Variants in PNOC observed in about 807,000 individuals in gnomAD.
PNOC encodes prepronociceptin.
In PNOC, 10 loss-of-function variants were observed where a neutral mutation model predicts 15.6. The observed-to-expected ratio is 0.64, with a 90% CI of 0.40 to 1.09. The LOEUF is 1.09. Ranked by LOEUF, PNOC falls within the 50% of genes least tolerant of loss-of-function variation. The pLI is 0.01. For synonymous variants in PNOC, 98 were observed against 88.5 expected (o/e 1.11, Z -0.60); for missense variants, 220 against 223.9 (o/e 0.98, Z 0.11).
intron 1 of PNOC, among the ~76,000 whole-genome samples, chr8:28,318,924 C>G (rs1477943920): frequency 6.6e-6 from 1 of 152,214 alleles, no homozygotes; most frequent in Admixed American, 6.5e-5. Context: ...TAGGCTCAAA[C>G]CTGTGCTCCC....
intron 1 of PNOC, among the ~76,000 whole-genome samples, chr8:28,317,677 G>A (rs969174382): frequency 6.6e-6 from 1 of 152,162 alleles, no homozygotes; most frequent in Non-Finnish European, 1.5e-5. Flanking sequence ...AGGCACTTGG[G>A]AGGGGGTTTG....
Position 28,339,312 on chromosome 8 carries a change from C to T in PNOC, c.399C>T (p.Phe133=), listed in dbSNP as rs1208446606. 3 of 1,612,014 alleles carry T rather than the reference C, an allele frequency of 1.9e-6. No homozygotes were observed. The highest frequency in any genetic ancestry group is 2.5e-6 in the Non-Finnish European group (3 of 1,178,512). Reference sequence around the variant, plus strand: ...AGCTGCAGAAGAGATTTGGGGGCTTCACCGGGGCCCGGAAGTCGGCCAGGA... The same window carrying T: ...AGCTGCAGAAGAGATTTGGGGGCTTTACCGGGGCCCGGAAGTCGGCCAGGA... ...QKQLQKRFGG[F]TGARKSARKL... is the part of the protein sequence containing the mutation. Residue 133 remains phenylalanine (F), a synonymous_variant, in exon 3 of 4, where the codon TTC becomes TTT. Coordinates refer to ENST00000301908, the MANE Select transcript of PNOC (RefSeq NM_006228.5).
intron 3 of PNOC, among the ~76,000 whole-genome samples, chr8:28,341,182 C>T (rs1801512878): frequency 6.6e-6 from 1 of 152,204 alleles, no homozygotes; most frequent in Non-Finnish European, 1.5e-5. Flanking sequence ...TTGGTGCCCA[C>T]ACTTTAGCAT....
At chr8:28,326,254 A>G (rs1801223689) in intron 1 of PNOC, among the ~76,000 whole-genome samples, 1 of 152,006 alleles carries the variant, frequency 6.6e-6, no homozygotes, top group Non-Finnish European at 1.5e-5. Context: ...TGGGAGGCTG[A>G]GGTGGGAGGA....
chr8:28,321,897 A>C lies in PNOC; in HGVS notation c.-24+4581A>C, dbSNP rs372537842. On this transcript the variant is annotated intron_variant, in intron 1 of 3. Transcript: ENST00000301908. ...GAGACACTTGAAGTGTAATTGTATC[A>C]GCCAGAAGAGGAAAAGAAACTAAAG... Among the ~76,000 whole-genome samples, 38 of 152,358 alleles carry C rather than the reference A, an allele frequency of 2.5e-4. No individual in the cohort carries two copies. In the South Asian group the frequency reaches 4.6e-3, roughly 18 times the overall value.
rs1801478111 is a variant in PNOC at position 28,339,485 on chromosome 8, C to T, written c.*41C>T. The T allele has an allele frequency of 6.7e-7, 1 of 1,499,554 alleles. No homozygotes were observed. The highest frequency in any genetic ancestry group is 8.9e-7 in the Non-Finnish European group (1 of 1,125,880). 92.9% of individuals were successfully genotyped at this position (1,499,554 alleles called of 1,614,324 possible). A position where few individuals can be genotyped will look rare whatever the true frequency, so the allele number is the denominator to read the frequency against. ...CTCCCAGCTGTACCGGCCACTGCAACCCATGAGTGAGTTGGGCACCAATAA... is the reference window on the plus strand; with the variant it reads ...CTCCCAGCTGTACCGGCCACTGCAATCCATGAGTGAGTTGGGCACCAATAA... On this transcript the variant is annotated 3_prime_UTR_variant, in exon 3 of 4. Coordinates refer to ENST00000301908, the MANE Select transcript of PNOC (RefSeq NM_006228.5).
chr8:28,338,484 T>G (rs1024244941), intron 2 of PNOC: 2 of 570,832 alleles, frequency 3.5e-6, no homozygotes, highest in African/African-American at 4.1e-5. Flanking sequence ...CCATTTGCTA[T>G]AAATGATACA....
At chr8:28,333,993 G>A (rs1801370983) in intron 2 of PNOC, among the ~76,000 whole-genome samples, 1 of 151,840 alleles carries the variant, frequency 6.6e-6, no homozygotes, top group African/African-American at 2.4e-5. Flanking sequence ...TTGTTGTGGG[G>A]GTTGTCCTGG....
intron 3 of PNOC, among the ~76,000 whole-genome samples, chr8:28,340,644 TAAAC>T (rs1347396702): frequency 6.6e-6 from 1 of 152,240 alleles, no homozygotes; most frequent in African/African-American, 2.4e-5. Context: ...GGGTACTTCA[TAAAC>T]AAAGTTTATT....
At chr8:28,338,563 C>T in intron 2 of PNOC, 1 of 984,688 alleles carries the variant, frequency 1.0e-6, no homozygotes, top group Non-Finnish European at 1.2e-6. Flanking sequence ...TACATGGTGA[C>T]CTTAAAATAA....
chr8:28,331,991 T>A (rs1801336713), intron 2 of PNOC, among the ~76,000 whole-genome samples: 1 of 152,240 alleles, frequency 6.6e-6, no homozygotes, highest in African/African-American at 2.4e-5. Context: ...AGGTTTTACA[T>A]TTCCATCTTT....
chr8:28,321,441 G>A (rs552043987), intron 1 of PNOC, among the ~76,000 whole-genome samples: 1 of 152,132 alleles, frequency 6.6e-6, no homozygotes, highest in African/African-American at 2.4e-5. Context: ...CCCACCTGCA[G>A]TAGCCCTGAA....
chr8:28,338,726 G>A, intron 2 of PNOC: 2 of 1,071,236 alleles, frequency 1.9e-6, no homozygotes, highest in African/African-American at 1.6e-5. Flanking sequence ...ATGTAACAAG[G>A]TGCGGTGTTG....
intron 2 of PNOC, among the ~76,000 whole-genome samples, chr8:28,331,458 G>A (rs764747604): frequency 2.0e-5 from 3 of 152,062 alleles, no homozygotes; most frequent in South Asian, 2.1e-4. Context: ...ATAAAGGATC[G>A]CCAAGATTCT....
intron 1 of PNOC, among the ~76,000 whole-genome samples, chr8:28,328,129 A>G (rs1801257551): frequency 7.2e-6 from 1 of 138,200 alleles, no homozygotes; most frequent in African/African-American, 2.8e-5. Flanking sequence ...GTGCAATGGC[A>G]CAATCTCGGC....
chr8:28,325,955 C>T (rs1055291778), intron 1 of PNOC, among the ~76,000 whole-genome samples: 9 of 152,150 alleles, frequency 5.9e-5, no homozygotes, highest in Non-Finnish European at 4.4e-5. Context: ...AACTAAAGCC[C>T]TGGTCCTTGG....
intron 2 of PNOC, among the ~76,000 whole-genome samples, chr8:28,330,170 C>T (rs2614106): frequency 0.33 from 49,563 of 151,236 alleles, 9,957 homozygotes; most frequent in Non-Finnish European, 0.46. Context: ...GGTCTTGAAC[C>T]CCTGACCTCA....
Position 28,332,381 on chromosome 8 carries a change from A to C in PNOC, c.126+3098A>C, listed in dbSNP as rs147329284. On this transcript the variant is annotated intron_variant, in intron 2 of 3. Coordinates refer to ENST00000301908, the MANE Select transcript of PNOC (RefSeq NM_006228.5). Reference sequence around the variant, plus strand: ...CCACCAAATTACATAATCCTGAGCTATTCCCAGGATCCTCTGGATCCTTGG... The same window carrying C: ...CCACCAAATTACATAATCCTGAGCTCTTCCCAGGATCCTCTGGATCCTTGG... 1.6e-3 allele frequency among the ~76,000 whole-genome samples: 250 copies of C among 152,312 alleles called. 1 individual carries two copies. Among genetic ancestry groups the C allele is most frequent in the Non-Finnish European group, 3.8e-4 (26 of 68,036 alleles).
At chr8:28,334,382 C>G (rs1305515038) in intron 2 of PNOC, among the ~76,000 whole-genome samples, 1 of 152,204 alleles carries the variant, frequency 6.6e-6, no homozygotes, top group African/African-American at 2.4e-5. Flanking sequence ...ATCATCCAGT[C>G]TCAGAATCAC....
Sources: gnomAD v4.1 joint callset for allele counts (sites outside exome capture counted in the v4.1 genomes callset) on GRCh38, gnomAD v4.1.1 for gene constraint, MANE v1.5 for transcripts, NCBI Gene and HGNC (gene_info 2026-07-23, HGNC 2026-07-21) for gene names.